MMP24: variants seen among roughly 807,000 people sequenced by gnomAD.
The protein encoded by MMP24 is matrix metalloproteinase-24.
In MMP24, 25 loss-of-function variants were observed where a neutral mutation model predicts 62.8. The ratio of observed to expected loss-of-function variants is 0.40; its 90% CI spans 0.29 to 0.56. The LOEUF is 0.56. Ranked by LOEUF, MMP24 falls within the 20% of genes least tolerant of loss-of-function variation. The pLI, the probability that MMP24 is intolerant of heterozygous loss-of-function variation, is 0.50. For synonymous variants in MMP24, 319 were observed against 350.5 expected (o/e 0.91, Z 1.00); for missense variants, 634 against 853.6 (o/e 0.74, Z 3.21).
chr20:35,261,795 C>CT (rs11335936), intron 4 of MMP24, among the ~76,000 whole-genome samples: 1,340 of 88,968 alleles, frequency 0.015, 10 homozygotes, highest in African/African-American at 0.02. Flanking sequence ...TCAGGGCATC[C>CT]TTTTTTTTTT....
At chr20:35,246,809 A>G (rs2060516944) in intron 1 of MMP24, 31 bp from the exon 2 acceptor site, 1 of 1,612,172 alleles carries the variant, frequency 6.2e-7, no homozygotes. Flanking sequence ...TTCCCAGCAT[A>G]ACGCATCTTT....
intron 4 of MMP24, among the ~76,000 whole-genome samples, chr20:35,256,590 G>A (rs996140589): frequency 1.3e-5 from 2 of 151,858 alleles, no homozygotes; most frequent in African/African-American, 2.4e-5. Context: ...ATGTTGGCAG[G>A]TGCCTGTAAT....
At chr20:35,270,016 C>A in intron 7 of MMP24, 118 bp downstream of exon 7, 1 of 1,252,854 alleles carries the variant, frequency 8.0e-7, no homozygotes, top group Non-Finnish European at 1.1e-6. Flanking sequence ...CCCCTCTAGT[C>A]TAACGGAGAC....
chr20:35,254,303 A>G, intron 3 of MMP24, 147 bp from the exon 4 acceptor site: 1 of 787,642 alleles, frequency 1.3e-6, no homozygotes, highest in Non-Finnish European at 2.0e-6. Context: ...TCTGTTACTC[A>G]GCCTCTTCTT....
intron 6 of MMP24, among the ~76,000 whole-genome samples, chr20:35,268,415 G>C (rs1190711795): frequency 6.6e-6 from 1 of 152,210 alleles, no homozygotes; most frequent in Non-Finnish European, 1.5e-5. Flanking sequence ...AGTTCTCCCA[G>C]CACGCACTGA....
chr20:35,248,808 C>T lies in MMP24; in HGVS notation c.395+1820C>T, dbSNP rs1054809757. ...GTGGGCTGGTTAAAGAGAGCCCAGCCGCCTTTCAAAGCGGAGGTTATTTTG... is the reference window on the plus strand; with the variant it reads ...GTGGGCTGGTTAAAGAGAGCCCAGCTGCCTTTCAAAGCGGAGGTTATTTTG... On this transcript the variant is annotated intron_variant, in intron 2 of 8. Transcript: ENST00000246186. Among the ~76,000 whole-genome samples the T allele has an allele frequency of 9.2e-5, 14 of 152,264 alleles. No homozygotes were observed. In the East Asian group the frequency reaches 1.2e-3, roughly 13 times the overall value.
intron 5 of MMP24, among the ~76,000 whole-genome samples, chr20:35,265,397 A>C (rs2425030): frequency 0.14 from 20,771 of 151,546 alleles, 1,489 homozygotes; most frequent in South Asian, 0.16. Context: ...AGCTGAGATC[A>C]CACCACTGCA....
At chr20:35,244,674 A>C (rs886801111) in intron 1 of MMP24, among the ~76,000 whole-genome samples, 1 of 152,188 alleles carries the variant, frequency 6.6e-6, no homozygotes, top group Non-Finnish European at 1.5e-5. Context: ...TCCTGACCTC[A>C]GGTGATCCAC....
At position 35,271,294 on chromosome 20, in the gene MMP24, G is replaced by A. The variant is rs143405012; in HGVS notation, c.1334-275G>A. ...GGGTGTCACTGGTAGCAGGTTTGGGGAGTGGTAGTGCATATGCAAAGTCAT... is the reference window on the plus strand; with the variant it reads ...GGGTGTCACTGGTAGCAGGTTTGGGAAGTGGTAGTGCATATGCAAAGTCAT... On this transcript the variant is annotated intron_variant, in intron 7 of 8. Transcript: ENST00000246186. This position sits in a 1 kb window ranked among gnomAD's most constrained non-coding sequence, Gnocchi z 4.0. 5.9e-5 allele frequency among the ~76,000 whole-genome samples: 9 copies of A among 152,276 alleles called. No homozygotes were observed. The highest frequency in any genetic ancestry group is 1.3e-4 in the Non-Finnish European group (9 of 68,004).
rs375020027 is a variant in MMP24 at position 35,251,924 on chromosome 20, T to C, written c.415T>C (p.Cys139Arg). ...TTIEWMKKPR[C>R]GVPDHPHLSR... ...GCCCAGGTGGATGAAGAAACCCCGA[T>C]GTGGTGTCCCTGATCACCCCCACTT... Residue 139 changes from cysteine to arginine, a missense_variant, in exon 3 of 9, where the codon TGT (cysteine) becomes CGT (arginine). Physicochemically the swap from Cys to Arg is radical, Grantham distance 180. Around this residue, in one of 3 missense-constraint regions of MMP24, gnomAD observed 212 missense variants for 259.6 expected, o/e 0.82. Coordinates refer to ENST00000246186, the MANE Select transcript of MMP24 (RefSeq NM_006690.4). The C allele has an allele frequency of 6.2e-7, 1 of 1,613,960 alleles. No individual in the cohort carries two copies. The highest frequency in any genetic ancestry group is 8.5e-7 in the Non-Finnish European group (1 of 1,179,840).
intron 8 of MMP24, among the ~76,000 whole-genome samples, chr20:35,273,276 G>A (rs1282315461): frequency 6.6e-6 from 1 of 151,770 alleles, no homozygotes; most frequent in African/African-American, 2.4e-5. Flanking sequence ...TGTGCCTGTA[G>A]TCCCAGCTAC....
At chr20:35,229,420 CTATT>C (rs1248386180) in intron 1 of MMP24, among the ~76,000 whole-genome samples, 6 of 152,298 alleles carry the variant, frequency 3.9e-5, no homozygotes, top group South Asian at 2.1e-4. Flanking sequence ...TTATATCTAT[CTATT>C]GTTTTCTAAG....
At chr20:35,273,900 C>T (rs565721959) in intron 8 of MMP24, among the ~76,000 whole-genome samples, 2 of 152,272 alleles carry the variant, frequency 1.3e-5, no homozygotes, top group African/African-American at 4.8e-5. Context: ...CAAGCAGGAG[C>T]CAGGCTGAGG....
At chr20:35,249,737 C>T (rs568701038) in intron 2 of MMP24, among the ~76,000 whole-genome samples, 4 of 151,038 alleles carry the variant, frequency 2.6e-5, no homozygotes, top group South Asian at 2.1e-4. Context: ...TACAGGGGCC[C>T]GCCACCACGC....
At chr20:35,261,086 C>A (rs2060600129) in intron 4 of MMP24, among the ~76,000 whole-genome samples, 2 of 152,214 alleles carry the variant, frequency 1.3e-5, no homozygotes, top group Admixed American at 6.5e-5. Flanking sequence ...AAGGGTCTGA[C>A]ACTGGGCAGA....
chr20:35,274,324 A>T lies in MMP24; in HGVS notation c.1653A>T (p.Lys551Asn). 1 of 1,613,590 alleles carries T rather than the reference A, an allele frequency of 6.2e-7. No homozygotes were observed. The highest frequency in any genetic ancestry group is 1.1e-5 in the South Asian group (1 of 91,070). Residue 551 changes from lysine (K) to asparagine (N), a missense_variant, in exon 9 of 9, where the codon AAA (lysine) becomes AAT (asparagine). Lys to Asn is a moderately conservative substitution (Grantham distance 94). Coordinates refer to ENST00000246186, the MANE Select transcript of MMP24 (RefSeq NM_006690.4). The surrounding 1 kb of genome is among the most constrained non-coding windows in gnomAD (Gnocchi z 5.1). ...GRDYWKFDNQKLSVEPGYPRN... is the reference protein window; with the variant it reads ...GRDYWKFDNQNLSVEPGYPRN... ...ACTACTGGAAGTTTGACAACCAGAA[A>T]CTGAGCGTGGAGCCAGGCTACCCGC...
In MMP24 at chr20:35,267,327, G is replaced by C; in HGVS notation, c.1102G>C (p.Asp368His). ...CAGGCCCCCTCGGCCGCCCCTCGGG[G>C]ACCGGCCATCCACACCAGGCACCAA... ...QPRPPRPPLG[D>H]RPSTPGTKPN... The change falls in exon 6 of 9, where the codon GAC becomes CAC. Residue 368 changes from aspartate (D) to histidine (H), a missense_variant. Physicochemically the swap from Asp to His is moderately conservative, Grantham distance 81. Transcript: ENST00000246186. The C allele has an allele frequency of 6.3e-7, 1 of 1,589,172 alleles. No individual in the cohort carries two copies. Among genetic ancestry groups the C allele is most frequent in the Non-Finnish European group, 8.6e-7 (1 of 1,168,610 alleles).
chr20:35,247,729 G>C (rs993281281), intron 2 of MMP24, among the ~76,000 whole-genome samples: 2 of 152,234 alleles, frequency 1.3e-5, no homozygotes, highest in Non-Finnish European at 2.9e-5. Context: ...GGGGTGGTCA[G>C]TGGGGCCAGC....
intron 1 of MMP24, among the ~76,000 whole-genome samples, chr20:35,230,493 C>G (rs1224437951): frequency 6.6e-6 from 1 of 152,202 alleles, no homozygotes. Flanking sequence ...CTGAAATAGG[C>G]ACTCATGGGC....
Sources: gnomAD v4.1 joint callset for allele counts (sites outside exome capture counted in the v4.1 genomes callset) on GRCh38, gnomAD v4.1.1 for gene constraint, gnomAD v4.1.1 regional missense constraint, Gnocchi (gnomAD v3.1) non-coding constraint, MANE v1.5 for transcripts, NCBI Gene and HGNC (gene_info 2026-07-23, HGNC 2026-07-21) for gene names.